The following UMAD1 variants were observed in gnomAD, a reference collection of about 807,000 sequenced individuals.
UMAD1 encodes UBAP1-MVB12-associated (UMA)-domain containing protein 1.
A neutral mutation model predicts 6.1 loss-of-function variants in UMAD1; 8 were observed. The ratio of observed to expected loss-of-function variants is 1.30; its 90% confidence interval spans 0.76 to 2.35. UMAD1 has a LOEUF of 2.35. UMAD1 is among the 30% of genes most tolerant of loss of function. The pLI is 0.00. For synonymous variants in UMAD1, 56 were observed against 31.4 expected, an observed-to-expected ratio of 1.78 and a Z score of -2.61; for missense variants, 130 against 78.4, an observed-to-expected ratio of 1.66 and a Z score of -2.49.
chr7:7,664,829 A>G (rs1004048512), intron 1 of UMAD1, among the ~76,000 whole-genome samples: 2 of 152,224 alleles, frequency 1.3e-5, no homozygotes, highest in Non-Finnish European at 2.9e-5. Flanking sequence ...CTGTATTGGT[A>G]TCTCTGAGGA....
chr7:7,832,613 C>T (rs1208605081), intron 3 of UMAD1, among the ~76,000 whole-genome samples: 4 of 152,154 alleles, frequency 2.6e-5, no homozygotes, highest in South Asian at 2.1e-4. Context: ...AGTTTAGTAA[C>T]GGCCTCTTTT....
intron 1 of UMAD1, among the ~76,000 whole-genome samples, chr7:7,672,284 T>G (rs1203079862): frequency 1.3e-5 from 2 of 152,130 alleles, no homozygotes; most frequent in African/African-American, 4.8e-5. Context: ...TCTCCCCAGT[T>G]GTTTTCTAGA....
chr7:7,672,971 C>G (rs542376450), intron 1 of UMAD1, among the ~76,000 whole-genome samples: 6 of 152,270 alleles, frequency 3.9e-5, no homozygotes, highest in Admixed American at 3.3e-4. Flanking sequence ...TCCTATCACC[C>G]AAACCAGTGT....
chr7:7,858,752 C>T (rs1226764422), intron 3 of UMAD1, among the ~76,000 whole-genome samples: 2 of 152,128 alleles, frequency 1.3e-5, no homozygotes, highest in East Asian at 1.9e-4. Flanking sequence ...CTATAACATC[C>T]GGTTTTCCAT....
chr7:7,792,999 G>A (rs1782599332), intron 2 of UMAD1, among the ~76,000 whole-genome samples: 1 of 152,080 alleles, frequency 6.6e-6, no homozygotes. Flanking sequence ...CAACACACTG[G>A]GGATTAGGTT....
chr7:7,790,321 C>T (rs1211614297), intron 2 of UMAD1, among the ~76,000 whole-genome samples: 1 of 152,162 alleles, frequency 6.6e-6, no homozygotes, highest in Non-Finnish European at 1.5e-5. Flanking sequence ...TGTGTTTATG[C>T]GGATGAAAAC....
chr7:7,715,983 T>C (rs986181893), intron 2 of UMAD1, among the ~76,000 whole-genome samples: 2 of 152,234 alleles, frequency 1.3e-5, no homozygotes, highest in African/African-American at 4.8e-5. Context: ...GTTGTATATT[T>C]GTTTTTAAGT....
At chr7:7,767,772 G>T (rs1782018440) in intron 2 of UMAD1, among the ~76,000 whole-genome samples, 1 of 152,306 alleles carries the variant, frequency 6.6e-6, no homozygotes, top group African/African-American at 2.4e-5. Context: ...ATATAAAGAA[G>T]CTGAGCCTAA....
chr7:7,797,553 A>G (rs112908959), intron 2 of UMAD1, among the ~76,000 whole-genome samples: 2,250 of 152,184 alleles, frequency 0.015, 46 homozygotes, highest in Non-Finnish European at 0.018. Flanking sequence ...TGTCCTGTCC[A>G]ATTTCCTTTA....
At chr7:7,865,451 C>A (rs1253462042) in intron 3 of UMAD1, among the ~76,000 whole-genome samples, 11 of 152,142 alleles carry the variant, frequency 7.2e-5, no homozygotes. Context: ...GGTAACTCAG[C>A]CTACCTCCTT....
At chr7:7,858,426 G>C (rs1264368628) in intron 3 of UMAD1, among the ~76,000 whole-genome samples, 1 of 152,196 alleles carries the variant, frequency 6.6e-6, no homozygotes, top group East Asian at 1.9e-4. Context: ...CTGTTGGGCT[G>C]TAAGCATAGT....
chr7:7,767,142 T>TTTTTTTTTTTTTTTTTTTTTTTTTTTTA, intron 2 of UMAD1, among the ~76,000 whole-genome samples: 1 of 148,704 alleles, frequency 6.7e-6, no homozygotes, highest in Admixed American at 6.7e-5. Flanking sequence ...TTTTTTTTTT[T>TTTTTTTTTTTTTTTTTTTTTTTTTTTTA]GAGACGGACT....
At chr7:7,737,074 A>G (rs1279734174) in intron 2 of UMAD1, among the ~76,000 whole-genome samples, 1 of 152,256 alleles carries the variant, frequency 6.6e-6, no homozygotes, top group East Asian at 1.9e-4. Context: ...TAGGTTCTCT[A>G]AAGCTACATT....
At chr7:7,734,192 G>A (rs950715838) in intron 2 of UMAD1, among the ~76,000 whole-genome samples, 2 of 152,016 alleles carry the variant, frequency 1.3e-5, no homozygotes, top group Non-Finnish European at 2.9e-5. Flanking sequence ...TGTAATCGTA[G>A]GAGACTTTGT....
chr7:7,797,601 A>T (rs1357436239), intron 2 of UMAD1, among the ~76,000 whole-genome samples: 1 of 152,034 alleles, frequency 6.6e-6, no homozygotes. Context: ...TTCTCCCCTC[A>T]ACCATCCTCA....
Position 7,673,440 on chromosome 7 carries a change from A to T in UMAD1, c.69A>T (p.Gly23=), listed in dbSNP as rs1317100678. The change falls in exon 2 of 4, where the codon GGA becomes GGT. Residue 23 remains glycine (G), a synonymous_variant. Coordinates refer to ENST00000682710, the MANE Select transcript of UMAD1 (RefSeq NM_001302348.2). ...CAGTACCAGAGACAGAAGCAGATGGATTCGTCCTTTTAGGTGAGTCTTTTT... is the reference window on the plus strand; with the variant it reads ...CAGTACCAGAGACAGAAGCAGATGGTTTCGTCCTTTTAGGTGAGTCTTTTT... ...KPSVPETEAD[G]FVLLGDTTDE... is the part of the protein sequence containing the mutation. The T allele has an allele frequency of 1.1e-6, 1 of 909,496 alleles. No individual in the cohort carries two copies. Among genetic ancestry groups the T allele is most frequent in the East Asian group, 2.6e-5 (1 of 38,014 alleles). 56.3% of individuals were successfully genotyped at this position (909,496 alleles called of 1,614,324 possible).
At chr7:7,725,152 C>G (rs1387775836) in intron 2 of UMAD1, among the ~76,000 whole-genome samples, 4 of 152,216 alleles carry the variant, frequency 2.6e-5, no homozygotes, top group African/African-American at 9.6e-5. Context: ...GGATAAATTG[C>G]TGCATTTGGC....
rs1782018005 is a variant in UMAD1, at chr7:7,767,750, ACT to A, written c.83-33917_83-33916del. ...CTTTGAGGTAGATACCATTATTATA[ACT>A]CTGTATTACATATAAAGAAGCTGAG... On this transcript the variant is annotated intron_variant, in intron 2 of 3. Transcript: ENST00000682710. 2.6e-5 allele frequency among the ~76,000 whole-genome samples: 4 copies of A among 152,090 alleles called. 1 individual carries two copies. Among genetic ancestry groups the A allele is most frequent in the Admixed American group, 2.0e-4 (3 of 15,270 alleles).
intron 2 of UMAD1, among the ~76,000 whole-genome samples, chr7:7,799,543 A>T (rs1782757246): frequency 6.6e-6 from 1 of 152,252 alleles, no homozygotes; most frequent in South Asian, 2.1e-4. Flanking sequence ...GATGGATGGA[A>T]TAGTAATCTT....
Sources: gnomAD v4.1 joint callset for allele counts (sites outside exome capture counted in the v4.1 genomes callset) on GRCh38, gnomAD v4.1.1 for gene constraint, MANE v1.5 for transcripts, NCBI Gene and HGNC (gene_info 2026-07-23, HGNC 2026-07-21) for gene names.